Variants in SLC44A5 observed in about 807,000 individuals in gnomAD.
SLC44A5 encodes solute carrier family 44 member 5, also known as choline transporter-like protein 5.
A neutral mutation model predicts 101.8 loss-of-function variants in SLC44A5; 57 were observed. The observed-to-expected ratio is 0.56, with a 90% CI of 0.45 to 0.70. The LOEUF is 0.70. Among genes scored for constraint, SLC44A5 ranks in the 30% least tolerant of loss-of-function variants. The probability of loss-of-function intolerance (pLI) is 0.00; values close to 1 mark genes in which losing one functional copy is unlikely to be tolerated. For missense variants in SLC44A5, 737 were observed against 853.1 expected, an observed-to-expected ratio of 0.86 and a Z score of 1.70; for synonymous variants, 281 against 290.9, an observed-to-expected ratio of 0.97 and a Z score of 0.35.
intron 2 of SLC44A5, chr1:75,398,363 C>G (rs1662261635): frequency 1.0e-6 from 1 of 985,138 alleles, no homozygotes; most frequent in Admixed American, 6.2e-5. Context: ...ACCTGCAGAC[C>G]CAGTCCCATT....
At chr1:75,519,427 A>G (rs2101891201) in intron 2 of SLC44A5, among the ~76,000 whole-genome samples, 1 of 152,266 alleles carries the variant, frequency 6.6e-6, no homozygotes, top group Non-Finnish European at 1.5e-5. Flanking sequence ...GCATGGCGGC[A>G]CATGCCTGTA....
At chr1:75,505,351 G>A (rs923762093) in intron 2 of SLC44A5, among the ~76,000 whole-genome samples, 7 of 152,120 alleles carry the variant, frequency 4.6e-5, no homozygotes, top group African/African-American at 1.7e-4. Flanking sequence ...TTGGTAGAAT[G>A]ATTTGTTTTT....
At chr1:75,664,182 C>T in the SLC44A5 span, among the ~76,000 whole-genome samples, 5 of 152,096 alleles carry the variant, frequency 3.3e-5, no homozygotes, top group Non-Finnish European at 7.4e-5. Flanking sequence ...TATGACAAAT[C>T]CACCCACCAC....
chr1:75,654,508 C>G, the SLC44A5 span, among the ~76,000 whole-genome samples: 1 of 152,088 alleles, frequency 6.6e-6, no homozygotes, highest in Non-Finnish European at 1.5e-5. Context: ...AAGATACCAA[C>G]AAAAGTTAGC....
chr1:75,534,911 T>A (rs211751), intron 2 of SLC44A5, among the ~76,000 whole-genome samples: 29,503 of 152,124 alleles, frequency 0.19, 3,146 homozygotes, highest in Middle Eastern at 0.29. Flanking sequence ...GCCCACATTA[T>A]AATTTTTCTG....
At chr1:75,324,668 TG>T (rs1365192178) in intron 4 of SLC44A5, among the ~76,000 whole-genome samples, 1 of 152,144 alleles carries the variant, frequency 6.6e-6, no homozygotes, top group African/African-American at 2.4e-5. Flanking sequence ...GCAAGTTTAT[TG>T]TGGCCACATC....
At chr1:75,469,368 T>C (rs1197094165) in intron 2 of SLC44A5, among the ~76,000 whole-genome samples, 5 of 152,088 alleles carry the variant, frequency 3.3e-5, no homozygotes, top group Admixed American at 1.3e-4. Context: ...AGGTAAATGA[T>C]GACATAATAA....
At chr1:75,526,781 G>A (rs999802671) in intron 2 of SLC44A5, among the ~76,000 whole-genome samples, 10 of 152,076 alleles carry the variant, frequency 6.6e-5, no homozygotes, top group African/African-American at 2.2e-4. Flanking sequence ...TAAACAATGC[G>A]CATTCTTCCA....
At chr1:75,673,636 G>A in the SLC44A5 span, among the ~76,000 whole-genome samples, 4 of 152,160 alleles carry the variant, frequency 2.6e-5, no homozygotes, top group Admixed American at 2.6e-4. Context: ...GTTGGCTTCA[G>A]GCCTGACCCA....
intron 17 of SLC44A5, 57 bp from the exon 18 acceptor site, chr1:75,218,017 G>T: frequency 8.8e-7 from 1 of 1,138,036 alleles, no homozygotes; most frequent in Non-Finnish European, 1.3e-6. Context: ...TTAAGGGGAT[G>T]CTAATTGAAT....
chr1:75,449,991 C>A (rs570917655), intron 2 of SLC44A5, among the ~76,000 whole-genome samples: 1 of 151,984 alleles, frequency 6.6e-6, no homozygotes, highest in African/African-American at 2.4e-5. Flanking sequence ...CAGAGCAAGA[C>A]TCTATCTCAA....
At chr1:75,550,109 T>C (rs918063191) in intron 1 of SLC44A5, among the ~76,000 whole-genome samples, 1 of 152,114 alleles carries the variant, frequency 6.6e-6, no homozygotes, top group African/African-American at 2.4e-5. Context: ...AAGACATGTA[T>C]ACAAATGTTC....
At chr1:75,635,643 C>G in the SLC44A5 span, among the ~76,000 whole-genome samples, 1 of 109,192 alleles carries the variant, frequency 9.2e-6, no homozygotes, top group Non-Finnish European at 1.7e-5. Context: ...ACATCACACT[C>G]TGGGGACTGT....
intron 4 of SLC44A5, among the ~76,000 whole-genome samples, chr1:75,326,851 T>C (rs1368709808): frequency 6.6e-6 from 1 of 152,054 alleles, no homozygotes; most frequent in Non-Finnish European, 1.5e-5. Context: ...ACAAGTGATA[T>C]CAAATGCAAA....
At position 75,307,273 on chromosome 1, in the gene SLC44A5, G is replaced by A. The variant is rs192993551; in HGVS notation, c.102-6588C>T. On this transcript the variant is annotated intron_variant, in intron 4 of 23. Coordinates refer to ENST00000370859, the MANE Select transcript of SLC44A5 (RefSeq NM_001130058.2). ...ACCTGGGTACATCTGTCTACAACATGGCTGCATTTATAACCCAAAGTCTAG... is the reference window on the plus strand; with the variant it reads ...ACCTGGGTACATCTGTCTACAACATAGCTGCATTTATAACCCAAAGTCTAG... Among the ~76,000 whole-genome samples the A allele has an allele frequency of 3.7e-3, 568 of 152,228 alleles. 5 individuals carry two copies. Among genetic ancestry groups the A allele is most frequent in the Non-Finnish European group, 4.5e-3 (307 of 68,004 alleles).
chr1:75,297,635 C>T (rs1367284526), intron 5 of SLC44A5, among the ~76,000 whole-genome samples: 1 of 152,176 alleles, frequency 6.6e-6, no homozygotes, highest in Non-Finnish European at 1.5e-5. Context: ...ATATTGTATA[C>T]TTAATGATAG....
chr1:75,214,704 T>C, intron 19 of SLC44A5, 26 bp from the exon 20 acceptor site: 1 of 1,584,696 alleles, frequency 6.3e-7, no homozygotes, highest in Non-Finnish European at 8.6e-7. Context: ...GCTATTATTC[T>C]GGAGCCAGTA....
At chr1:75,365,379 T>C (rs920577132) in intron 3 of SLC44A5, among the ~76,000 whole-genome samples, 3 of 152,180 alleles carry the variant, frequency 2.0e-5, no homozygotes, top group Non-Finnish European at 4.4e-5. Context: ...TGTCTAAGTG[T>C]TCTTATCATT....
the SLC44A5 span, among the ~76,000 whole-genome samples, chr1:75,680,164 G>A: frequency 1.3e-5 from 2 of 152,168 alleles, no homozygotes; most frequent in African/African-American, 4.8e-5. Context: ...TAAATAATGG[G>A]AGGCTTTAAC....
Sources: allele counts gnomAD v4.1 joint callset (sites outside exome capture counted in the v4.1 genomes callset), GRCh38; gene constraint gnomAD v4.1.1; transcripts MANE v1.5; gene names NCBI Gene and HGNC (gene_info 2026-07-23, HGNC 2026-07-21).